The following PTPRM variants were observed in gnomAD, a reference collection of about 807,000 sequenced individuals.
PTPRM encodes the protein receptor-type tyrosine-protein phosphatase mu.
Under a neutral mutation model 186.7 loss-of-function variants are expected in PTPRM, and 47 were observed. That is an observed-to-expected ratio of 0.25 (90% CI 0.20 to 0.32). The LOEUF (loss-of-function observed/expected upper bound fraction) is 0.32. Ranked by LOEUF, PTPRM falls within the 10% of genes least tolerant of loss-of-function variation. The pLI is 1.00. For synonymous variants in PTPRM, 668 were observed against 674.9 expected (o/e 0.99, Z 0.16); for missense variants, 1,494 against 1,865.0 (o/e 0.80, Z 3.66).
chr18:7,989,111 A>G (rs569270258), intron 7 of PTPRM, among the ~76,000 whole-genome samples: 39 of 152,208 alleles, frequency 2.6e-4, no homozygotes, highest in Admixed American at 2.4e-3. Flanking sequence ...AATTCACTCT[A>G]TATTTGTTTT....
chr18:8,091,851 A>G (rs1250745049), intron 11 of PTPRM, among the ~76,000 whole-genome samples: 1 of 152,148 alleles, frequency 6.6e-6, no homozygotes, highest in Non-Finnish European at 1.5e-5. Flanking sequence ...GTAAATTAAA[A>G]CATTTGAACA....
rs150638644 is a variant in PTPRM at position 7,850,963 on chromosome 18, A to G, written c.197-37143A>G. ...ATATAACATGGGTTGAAGGAGTTTA[A>G]TATAACAATGATTAAAATATTTAGA... On this transcript the variant is annotated intron_variant, in intron 2 of 32. Transcript: ENST00000580170. Among the ~76,000 whole-genome samples, 13 of 152,352 alleles carry G rather than the reference A, an allele frequency of 8.5e-5. No homozygotes were observed. In the East Asian group the frequency reaches 1.3e-3, roughly 16 times the overall value.
chr18:7,986,772 A>G (rs1438384455), intron 7 of PTPRM, among the ~76,000 whole-genome samples: 1 of 152,230 alleles, frequency 6.6e-6, no homozygotes. Flanking sequence ...TCACTGATTC[A>G]TGTGCTGAAG....
intron 3 of PTPRM, among the ~76,000 whole-genome samples, chr18:7,897,708 CT>C (rs2049439135): frequency 6.6e-6 from 1 of 152,144 alleles, no homozygotes; most frequent in African/African-American, 2.4e-5. Context: ...ATAAGTACTT[CT>C]ATTGTTTACC....
chr18:7,913,498 C>T (rs1210190451), intron 4 of PTPRM, among the ~76,000 whole-genome samples: 3 of 152,054 alleles, frequency 2.0e-5, no homozygotes, highest in African/African-American at 7.2e-5. Flanking sequence ...AAGAAAGTTC[C>T]TTTTTCTTCC....
chr18:8,344,448 G>GTGTGTATGTATATATA (rs1360655194), intron 23 of PTPRM, among the ~76,000 whole-genome samples: 7 of 33,426 alleles, frequency 2.1e-4, no homozygotes, highest in African/African-American at 5.2e-4. Context: ...GTGTGTGTGT[G>GTGTGTATGTATATATA]TATATATATA....
intron 7 of PTPRM, among the ~76,000 whole-genome samples, chr18:7,975,071 A>G (rs1356400453): frequency 6.6e-6 from 1 of 152,208 alleles, no homozygotes; most frequent in East Asian, 1.9e-4. Context: ...TCCTTGCACC[A>G]CACACCTATT....
intron 24 of PTPRM, among the ~76,000 whole-genome samples, chr18:8,373,996 G>A (rs1010849362): frequency 6.6e-6 from 1 of 152,136 alleles, no homozygotes; most frequent in African/African-American, 2.4e-5. Context: ...TATTTGGGCT[G>A]TGATAACTGA....
intron 7 of PTPRM, among the ~76,000 whole-genome samples, chr18:8,043,877 A>C (rs1188169468): frequency 6.6e-6 from 1 of 152,182 alleles, no homozygotes; most frequent in African/African-American, 2.4e-5. Flanking sequence ...AATTATAAAA[A>C]GCAGAAAGGG....
chr18:7,839,426 T>C (rs2046215580), intron 2 of PTPRM, among the ~76,000 whole-genome samples: 1 of 152,124 alleles, frequency 6.6e-6, no homozygotes, highest in Non-Finnish European at 1.5e-5. Context: ...CAGGACTAGG[T>C]CCTTCACTTC....
chr18:7,845,378 A>C (rs943492987), intron 2 of PTPRM, among the ~76,000 whole-genome samples: 1 of 152,204 alleles, frequency 6.6e-6, no homozygotes, highest in Non-Finnish European at 1.5e-5. Flanking sequence ...GTCCACGTCA[A>C]CTTATGCTTT....
At chr18:7,912,069 C>G (rs1280874677) in intron 4 of PTPRM, among the ~76,000 whole-genome samples, 1 of 152,006 alleles carries the variant, frequency 6.6e-6, no homozygotes, top group Non-Finnish European at 1.5e-5. Context: ...CCAGGCTGGT[C>G]TCCAACTCTT....
intron 32 of PTPRM, among the ~76,000 whole-genome samples, chr18:8,398,631 G>A (rs573706543): frequency 3.2e-4 from 49 of 152,106 alleles, no homozygotes; most frequent in Middle Eastern, 3.4e-3. Flanking sequence ...TTAGCCGGGC[G>A]TGGTGGCAGG....
chr18:7,692,901 C>T (rs2039764660), intron 1 of PTPRM, among the ~76,000 whole-genome samples: 1 of 152,012 alleles, frequency 6.6e-6, no homozygotes, highest in African/African-American at 2.4e-5. Context: ...AATTAACTTG[C>T]CAATGAGAAA....
intron 1 of PTPRM, among the ~76,000 whole-genome samples, chr18:7,714,921 C>T (rs1349784197): frequency 2.6e-5 from 4 of 152,090 alleles, no homozygotes; most frequent in Admixed American, 6.5e-5. Flanking sequence ...GACTCACAGC[C>T]GAATTCTACG....
At chr18:7,590,387 CAG>C (rs1259144428) in intron 1 of PTPRM, among the ~76,000 whole-genome samples, 3 of 152,140 alleles carry the variant, frequency 2.0e-5, no homozygotes, top group Non-Finnish European at 4.4e-5. Context: ...TCATCCAAAA[CAG>C]AGGTCTCCAG....
intron 23 of PTPRM, among the ~76,000 whole-genome samples, chr18:8,344,448 G>GTGTGTATATATATATATATATATATATA (rs1360655194): frequency 1.8e-4 from 6 of 33,412 alleles, no homozygotes; most frequent in African/African-American, 4.5e-4. Flanking sequence ...GTGTGTGTGT[G>GTGTGTATATATATATATATATATATATA]TATATATATA....
At chr18:8,284,988 TA>T (rs1372618410) in intron 19 of PTPRM, among the ~76,000 whole-genome samples, 1 of 152,206 alleles carries the variant, frequency 6.6e-6, no homozygotes, top group Admixed American at 6.5e-5. Flanking sequence ...ATGTTCCAGG[TA>T]GATGCTGGGT....
At chr18:7,798,027 T>C (rs1288670464) in intron 2 of PTPRM, among the ~76,000 whole-genome samples, 1 of 152,196 alleles carries the variant, frequency 6.6e-6, no homozygotes, top group Non-Finnish European at 1.5e-5. Context: ...ATTAGATTAA[T>C]TAATTAGGTC....
Sources: gnomAD v4.1 joint callset for allele counts (sites outside exome capture counted in the v4.1 genomes callset) on GRCh38, gnomAD v4.1.1 for gene constraint, MANE v1.5 for transcripts, NCBI Gene and HGNC (gene_info 2026-07-23, HGNC 2026-07-21) for gene names.